The following ZBTB38 variants were observed in gnomAD, a reference collection of about 807,000 sequenced individuals.
ZBTB38 encodes zinc finger and BTB domain-containing protein 38.
Under a neutral mutation model 76.8 loss-of-function variants are expected in ZBTB38, and 20 were observed. That is an observed-to-expected ratio of 0.26 (90% CI 0.18 to 0.38). The LOEUF (loss-of-function observed/expected upper bound fraction) is 0.38, where lower values mean the gene tolerates loss of function less well. ZBTB38 is among the 10% of genes least tolerant of loss of function. The probability of loss-of-function intolerance (pLI) is 1.00; values close to 1 mark genes in which losing one functional copy is unlikely to be tolerated. For synonymous variants in ZBTB38, 504 were observed against 544.2 expected (o/e 0.93, Z 1.03); for missense variants, 1,082 against 1,482.3 (o/e 0.73, Z 4.43).
chr3:141,362,802 G>A (rs1488118164), intron 1 of ZBTB38, among the ~76,000 whole-genome samples: 1 of 152,100 alleles, frequency 6.6e-6, no homozygotes, highest in Non-Finnish European at 1.5e-5. Context: ...GGGGCTCTTT[G>A]TGATGTTTGA....
chr3:141,390,322 G>A (rs557353567), intron 4 of ZBTB38, among the ~76,000 whole-genome samples: 1 of 152,276 alleles, frequency 6.6e-6, no homozygotes, highest in Non-Finnish European at 1.5e-5. Context: ...TTTTTACTGG[G>A]CAGGCCAGAG....
rs1380082961 is a variant in ZBTB38, at chr3:141,444,629, A to G, written c.2241A>G (p.Pro747=). The G allele has an allele frequency of 1.2e-6, 2 of 1,614,208 alleles. No individual in the cohort carries two copies. The highest frequency in any genetic ancestry group is 1.7e-5 in the Admixed American group (1 of 60,024). The change falls in exon 6 of 6, where the codon CCA becomes CCG. Residue 747 remains proline, a synonymous_variant. Coordinates refer to ENST00000321464, the MANE Select transcript of ZBTB38 (RefSeq NM_001376113.1). The surrounding 1 kb of genome is among the most constrained non-coding windows in gnomAD (Gnocchi z 5.1). The stretch of plus-strand genomic sequence containing the variant: ...GCAACCACAGAGCCTTTTCAGACCC[A>G]GCTGTCAGTCAGTCCCTGAAAGATG... ...TSSNHRAFSD[P]AVSQSLKDDS... is the part of the protein sequence containing the mutation.
At chr3:141,426,371 G>A (rs749335944) in intron 5 of ZBTB38, among the ~76,000 whole-genome samples, 9 of 152,178 alleles carry the variant, frequency 5.9e-5, no homozygotes, top group East Asian at 1.9e-4. Context: ...GAGAACAACC[G>A]TTATAAGTAC....
At chr3:141,342,196 G>C (rs533452675) in intron 1 of ZBTB38, among the ~76,000 whole-genome samples, 2 of 151,928 alleles carry the variant, frequency 1.3e-5, no homozygotes, top group African/African-American at 4.8e-5. Flanking sequence ...GTGGTGGTGC[G>C]TGCCTATAGT....
At position 141,344,221 on chromosome 3, in the gene ZBTB38, T is replaced by C. The variant is rs1358012707; in HGVS notation, c.-739+19765T>C. Among the ~76,000 whole-genome samples, 5 of 152,220 alleles carry C rather than the reference T, an allele frequency of 3.3e-5. No homozygotes were observed. In the South Asian group the frequency reaches 8.3e-4, roughly 25 times the overall value. On this transcript the variant is annotated intron_variant, in intron 1 of 7. Transcript: ENST00000509842. ...AGTTCCATAGGTCAGAAGTCCATCA[T>C]GGGTCCCACTGGGCTAAAATCAAAG...
In ZBTB38 at chr3:141,442,794, T is replaced by C. The variant is rs1225768894; in HGVS notation, c.406T>C (p.Phe136Leu). Reference sequence around the variant, plus strand: ...CTCAAATTCCCCGGGTCCCTATGTATTCTGTATTACTGAAAAGGGAGTGGT... The same window carrying C: ...CTCAAATTCCCCGGGTCCCTATGTACTCTGTATTACTGAAAAGGGAGTGGT... ...NFSNSPGPYV[F>L]CITEKGVVKE... Residue 136 changes from phenylalanine (F) to leucine (L), a missense_variant, in exon 6 of 6, where the codon TTC becomes CTC. By Grantham distance (22) the Phe-to-Leu change is conservative. Around this residue, in one of 8 missense-constraint regions of ZBTB38, gnomAD observed 34 missense variants for 40.4 expected, o/e 0.84. Coordinates refer to ENST00000321464, the MANE Select transcript of ZBTB38 (RefSeq NM_001376113.1). This position sits in a 1 kb window ranked among gnomAD's most constrained non-coding sequence, Gnocchi z 6.4. 1.9e-6 allele frequency: 3 copies of C among 1,614,136 alleles called. No homozygotes were observed. Among genetic ancestry groups the C allele is most frequent in the East Asian group, 2.2e-5 (1 of 44,882 alleles).
chr3:141,359,845 T>G (rs1026381745), intron 1 of ZBTB38, among the ~76,000 whole-genome samples: 1 of 152,074 alleles, frequency 6.6e-6, no homozygotes, highest in Non-Finnish European at 1.5e-5. Flanking sequence ...GTGGGAGGAT[T>G]GCTTGAGCCC....
At position 141,354,551 on chromosome 3, in the gene ZBTB38, A is replaced by G. The variant is rs145117561; in HGVS notation, c.-738-14070A>G. ...AGTTTCCTCCTAGAAGCTCTCTTCC[A>G]GGGAGCCTTCCTGACTGGTCCAGTC... is the stretch of plus-strand genomic sequence containing the variant. On this transcript the variant is annotated intron_variant, in intron 1 of 7. Coordinates refer to the ZBTB38 transcript ENST00000509842. Among the ~76,000 whole-genome samples the G allele has an allele frequency of 2.2e-3, 336 of 152,198 alleles. 1 individual carries two copies. The highest frequency in any genetic ancestry group is 0.01 in the South Asian group (50 of 4,826).
chr3:141,336,903 C>T (rs1317871616), intron 1 of ZBTB38, among the ~76,000 whole-genome samples: 1 of 152,206 alleles, frequency 6.6e-6, no homozygotes, highest in Non-Finnish European at 1.5e-5. Context: ...TTGAGAATCA[C>T]TAGGCAGGGA....
intron 1 of ZBTB38, among the ~76,000 whole-genome samples, chr3:141,354,447 T>A: frequency 6.6e-6 from 1 of 152,124 alleles, no homozygotes; most frequent in East Asian, 1.9e-4. Flanking sequence ...TCCAGCCAGC[T>A]TCTTCTTCCC....
intron 4 of ZBTB38, among the ~76,000 whole-genome samples, chr3:141,390,648 T>C (rs1290792314): frequency 2.0e-5 from 3 of 152,202 alleles, no homozygotes; most frequent in Non-Finnish European, 4.4e-5. Flanking sequence ...TTTAAGTTCC[T>C]GGTACCATGT....
At chr3:141,325,740 C>A (rs1199288378) in intron 1 of ZBTB38, among the ~76,000 whole-genome samples, 1 of 152,146 alleles carries the variant, frequency 6.6e-6, no homozygotes, top group Non-Finnish European at 1.5e-5. Context: ...ATTGAGACTA[C>A]CATGATTAAC....
At chr3:141,361,461 A>C (rs944311359) in intron 1 of ZBTB38, among the ~76,000 whole-genome samples, 5 of 152,224 alleles carry the variant, frequency 3.3e-5, no homozygotes, top group Non-Finnish European at 5.9e-5. Context: ...AGATAACAGA[A>C]CTGAGGAAGC....
intron 3 of ZBTB38, among the ~76,000 whole-genome samples, chr3:141,382,390 G>A (rs1171172540): frequency 6.6e-6 from 1 of 152,048 alleles, no homozygotes; most frequent in Non-Finnish European, 1.5e-5. Context: ...TTTTAATATA[G>A]TGAAAGGCTG....
chr3:141,408,972 C>T (rs1955660482), intron 5 of ZBTB38, among the ~76,000 whole-genome samples: 1 of 152,184 alleles, frequency 6.6e-6, no homozygotes, highest in African/African-American at 2.4e-5. Context: ...GAACCTCAGA[C>T]AACATGGTGT....
chr3:141,427,112 A>G (rs905327133), intron 5 of ZBTB38, among the ~76,000 whole-genome samples: 1 of 152,142 alleles, frequency 6.6e-6, no homozygotes, highest in Non-Finnish European at 1.5e-5. Flanking sequence ...TAACAGTGCC[A>G]GGTATGATAG....
At chr3:141,415,341 G>A (rs530808795) in intron 5 of ZBTB38, among the ~76,000 whole-genome samples, 119 of 152,252 alleles carry the variant, frequency 7.8e-4, no homozygotes, top group Non-Finnish European at 8.5e-4. Context: ...CTCTAGGGGG[G>A]CCAGGGTGGA....
intron 5 of ZBTB38, chr3:141,426,314 C>T (rs2076371589): frequency 1.5e-6 from 1 of 662,194 alleles, no homozygotes; most frequent in Non-Finnish European, 2.3e-6. Flanking sequence ...TCATTGATCT[C>T]AAATTCTTTT....
At chr3:141,364,676 TAAAAAAAAAAAAAAAAAAA>T (rs59398877), upstream of ZBTB38, among the ~76,000 whole-genome samples, 7,503 of 43,872 alleles carry the variant, frequency 0.17, 884 homozygotes, top group African/African-American at 0.4. Context: ...AAACTACATC[TAAAAAAAAAAAAAAAAAAA>T]AAAAAAAAAA....
Sources: gnomAD v4.1 joint callset for allele counts (sites outside exome capture counted in the v4.1 genomes callset) on GRCh38, gnomAD v4.1.1 for gene constraint, gnomAD v4.1.1 regional missense constraint, Gnocchi (gnomAD v3.1) non-coding constraint, MANE v1.5 for transcripts, NCBI Gene and HGNC (gene_info 2026-07-23, HGNC 2026-07-21) for gene names.